PCDH7: variants seen among roughly 807,000 people sequenced by gnomAD.
PCDH7 encodes the protein protocadherin-7.
A neutral mutation model predicts 58.9 loss-of-function variants in PCDH7; 17 were observed. That is an observed-to-expected ratio of 0.29 (90% confidence interval 0.20 to 0.43). PCDH7 has a LOEUF of 0.43. PCDH7 is among the 20% of genes least tolerant of loss of function. The pLI is 1.00. For missense variants in PCDH7, 1,274 were observed against 1,441.0 expected, an observed-to-expected ratio of 0.88 and a Z score of 1.88; for synonymous variants, 664 against 616.4, an observed-to-expected ratio of 1.08 and a Z score of -1.14.
intron 1 of PCDH7, among the ~76,000 whole-genome samples, chr4:30,796,812 G>C (rs1171981684): frequency 1.3e-5 from 2 of 151,942 alleles, no homozygotes; most frequent in Non-Finnish European, 2.9e-5. Context: ...ACTTTCGAAG[G>C]CTTTTACGTG....
intron 3 of PCDH7, among the ~76,000 whole-genome samples, chr4:30,964,253 T>TATTTA (rs1450697363): frequency 6.8e-6 from 1 of 147,512 alleles, no homozygotes; most frequent in South Asian, 2.1e-4. Flanking sequence ...TTTATTTATT[T>TATTTA]TTTTTTGAGA....
chr4:30,930,574 G>A (rs1744443831), intron 2 of PCDH7, among the ~76,000 whole-genome samples: 1 of 152,132 alleles, frequency 6.6e-6, no homozygotes, highest in Non-Finnish European at 1.5e-5. Flanking sequence ...ATGTTGAAAA[G>A]TACTGAAATA....
intron 1 of PCDH7, among the ~76,000 whole-genome samples, chr4:30,843,856 A>G (rs1192164907): frequency 6.6e-6 from 1 of 152,116 alleles, no homozygotes; most frequent in African/African-American, 2.4e-5. Flanking sequence ...GGCATTTAAA[A>G]TTCTTTCAAA....
chr4:31,027,779 T>G (rs1754559847), intron 3 of PCDH7, among the ~76,000 whole-genome samples: 1 of 152,228 alleles, frequency 6.6e-6, no homozygotes, highest in Non-Finnish European at 1.5e-5. Flanking sequence ...CAAGTATATT[T>G]GACATTAAAA....
chr4:30,934,887 G>C (rs1054685003), intron 2 of PCDH7, among the ~76,000 whole-genome samples: 1 of 152,076 alleles, frequency 6.6e-6, no homozygotes, highest in African/African-American at 2.4e-5. Context: ...TTTCCAGAAA[G>C]AGAACCTGGG....
At chr4:30,972,551 G>A (rs771245880) in intron 3 of PCDH7, among the ~76,000 whole-genome samples, 9 of 152,142 alleles carry the variant, frequency 5.9e-5, no homozygotes, top group Non-Finnish European at 8.8e-5. Context: ...CTTCCAGTGA[G>A]CATAAGCCTC....
intron 3 of PCDH7, among the ~76,000 whole-genome samples, chr4:31,004,899 G>C (rs1752646020): frequency 6.6e-6 from 1 of 152,032 alleles, no homozygotes; most frequent in Admixed American, 6.6e-5. Flanking sequence ...AACCCAAGCA[G>C]TCTGACCTCT....
At chr4:31,051,462 T>C (rs1756723874) in intron 3 of PCDH7, among the ~76,000 whole-genome samples, 1 of 152,168 alleles carries the variant, frequency 6.6e-6, no homozygotes, top group African/African-American at 2.4e-5. Flanking sequence ...TACAGATAAG[T>C]AATCTAGCTT....
At chr4:30,780,049 G>A (rs1479149580) in intron 1 of PCDH7, among the ~76,000 whole-genome samples, 1 of 152,040 alleles carries the variant, frequency 6.6e-6, no homozygotes, top group Non-Finnish European at 1.5e-5. Context: ...TTTATTATGA[G>A]CCTTCAGAAT....
At chr4:30,724,577 A>G in exon 1 of PCDH7, 1 of 1,614,114 alleles carries the variant, frequency 6.2e-7, no homozygotes, top group Non-Finnish European at 8.5e-7. Context: ...TGTCAAACCA[A>G]TAACAAGTAC....
intron 3 of PCDH7, among the ~76,000 whole-genome samples, chr4:31,082,614 T>C (rs1432775176): frequency 6.6e-6 from 1 of 152,174 alleles, no homozygotes; most frequent in Non-Finnish European, 1.5e-5. Context: ...AATGAAATAA[T>C]GTCTTCTGCA....
At chr4:30,992,096 G>A (rs28568293) in intron 3 of PCDH7, among the ~76,000 whole-genome samples, 8,728 of 152,070 alleles carry the variant, frequency 0.057, 838 homozygotes, top group African/African-American at 0.2. Context: ...CAAAAAACAG[G>A]GATCATAATG....
At chr4:30,871,273 G>A (rs1042482054) in intron 1 of PCDH7, among the ~76,000 whole-genome samples, 1 of 152,044 alleles carries the variant, frequency 6.6e-6, no homozygotes, top group Non-Finnish European at 1.5e-5. Flanking sequence ...ATAGAGACCA[G>A]TTAGCAGAGG....
chr4:30,943,806 G>T (rs1746347624), intron 2 of PCDH7, among the ~76,000 whole-genome samples: 1 of 151,132 alleles, frequency 6.6e-6, no homozygotes, highest in South Asian at 2.1e-4. Context: ...TTCCAGTGTG[G>T]CCCAGGGAAG....
rs75211513 is a variant in PCDH7 at position 31,135,505 on chromosome 4, C to G, written c.*8-6968C>G. On this transcript the variant is annotated intron_variant, in intron 3 of 3. Coordinates refer to the PCDH7 transcript ENST00000509759. The stretch of plus-strand genomic sequence containing the variant: ...ATAGTAGCTCTGTGTATCACAGACT[C>G]TATCAGCATAAATCCATTAGCACTA... Among the ~76,000 whole-genome samples, 463 of 152,258 alleles carry G rather than the reference C, an allele frequency of 3.0e-3. 2 individuals carry two copies. Among genetic ancestry groups the G allele is most frequent in the African/African-American group, 0.011 (446 of 41,552 alleles).
At chr4:30,881,150 G>C (rs1188992864) in intron 1 of PCDH7, among the ~76,000 whole-genome samples, 2 of 152,034 alleles carry the variant, frequency 1.3e-5, no homozygotes, top group African/African-American at 4.8e-5. Context: ...CAAGGTAAAT[G>C]GGGAAACAAA....
chr4:31,116,540 G>A (rs767900392), intron 3 of PCDH7, among the ~76,000 whole-genome samples: 21 of 152,186 alleles, frequency 1.4e-4, no homozygotes, highest in Non-Finnish European at 2.6e-4. Flanking sequence ...GTTTGCGCAA[G>A]TAGTTGATGG....
At chr4:30,793,101 A>G (rs76288538) in intron 1 of PCDH7, among the ~76,000 whole-genome samples, 3,510 of 152,270 alleles carry the variant, frequency 0.023, 213 homozygotes, top group East Asian at 0.22. Flanking sequence ...AAATCCTTTG[A>G]TGAACAGTCA....
At chr4:30,799,045 C>A (rs765217134) in intron 1 of PCDH7, among the ~76,000 whole-genome samples, 15 of 152,130 alleles carry the variant, frequency 9.9e-5, no homozygotes, top group Non-Finnish European at 2.2e-4. Context: ...ACACTTCTGG[C>A]AGTTCTGTGA....
Sources: gnomAD v4.1 joint callset for allele counts (sites outside exome capture counted in the v4.1 genomes callset) on GRCh38, gnomAD v4.1.1 for gene constraint, MANE v1.5 for transcripts, NCBI Gene and HGNC (gene_info 2026-07-23, HGNC 2026-07-21) for gene names.